SINHCAF: variants seen among roughly 807,000 people sequenced by gnomAD.
SINHCAF encodes SIN3-HDAC complex associated factor.
SINHCAF carries 3 observed loss-of-function variants against 25.8 expected under a neutral mutation model. The ratio of observed to expected loss-of-function variants is 0.12; its 90% confidence interval spans 0.05 to 0.30. The LOEUF is 0.30. Among genes scored for constraint, SINHCAF ranks in the 10% least tolerant of loss-of-function variants. The pLI, the probability that SINHCAF is intolerant of heterozygous loss-of-function variation, is 1.00. For missense variants in SINHCAF, 121 were observed against 262.3 expected (o/e 0.46, Z 3.72); for synonymous variants, 70 against 85.5 (o/e 0.82, Z 1.00).
chr12:31,299,519 T>C (rs1938697024), intron 1 of SINHCAF, among the ~76,000 whole-genome samples: 2 of 152,064 alleles, frequency 1.3e-5, no homozygotes, highest in Admixed American at 1.3e-4. Flanking sequence ...GGTTTCAGCA[T>C]GTTAGCCAGG....
chr12:31,324,991 C>A lies in SINHCAF; in HGVS notation c.-21+1033G>T. On this transcript the variant is annotated intron_variant, in intron 1 of 5. Coordinates refer to ENST00000337682, the MANE Select transcript of SINHCAF (RefSeq NM_001135812.2). The surrounding 1 kb of genome is among the most constrained non-coding windows in gnomAD (Gnocchi z 5.5). ...GACGGCGGCCGCATCCCACGGCTCA[C>A]GCGGGGCTGGACATTCGGACAAGGA... 2.2e-6 allele frequency: 1 copy of A among 456,790 alleles called. No homozygotes were observed. Among genetic ancestry groups the A allele is most frequent in the South Asian group, 1.5e-5 (1 of 64,564 alleles). The allele number at this position is 456,790 out of a possible 1,614,324, so 28.3% of individuals were successfully genotyped here.
At chr12:31,292,769 C>T (rs1003724138) in intron 4 of SINHCAF, among the ~76,000 whole-genome samples, 11 of 152,142 alleles carry the variant, frequency 7.2e-5, no homozygotes, top group Non-Finnish European at 1.3e-4. Flanking sequence ...TACCAAAATG[C>T]TCAAAAAATG....
intron 1 of SINHCAF, among the ~76,000 whole-genome samples, chr12:31,308,437 A>C (rs1157852681): frequency 6.6e-6 from 1 of 152,226 alleles, no homozygotes; most frequent in East Asian, 1.9e-4. Flanking sequence ...AAAAAAGCTA[A>C]GATTCCTTTG....
At chr12:31,283,689 GA>G (rs1937907550) in intron 5 of SINHCAF, among the ~76,000 whole-genome samples, 1 of 151,920 alleles carries the variant, frequency 6.6e-6, no homozygotes, top group Non-Finnish European at 1.5e-5. Context: ...TACTCTAAGG[GA>G]AAAAAGATCA....
At chr12:31,312,775 T>C (rs751852568) in intron 1 of SINHCAF, among the ~76,000 whole-genome samples, 8 of 152,260 alleles carry the variant, frequency 5.3e-5, no homozygotes, top group Non-Finnish European at 1.2e-4. Context: ...GTAGTACAAA[T>C]TATCAGCATT....
chr12:31,286,926 T>C (rs999844451), intron 5 of SINHCAF, among the ~76,000 whole-genome samples: 1 of 152,128 alleles, frequency 6.6e-6, no homozygotes, highest in Non-Finnish European at 1.5e-5. Context: ...TGTTTGTTTG[T>C]TTGTTTTTTT....
Position 31,298,229 on chromosome 12 carries a change from A to G in SINHCAF, c.-20-5T>C, listed in dbSNP as rs1938625764. On this transcript the variant is annotated splice_polypyrimidine_tract_variant and splice_region_variant and intron_variant, in intron 1 of 5. Transcript: ENST00000337682. The stretch of plus-strand genomic sequence containing the variant: ...TCTTTTCTTCTGGGCAATAGTCTGT[A>G]AAGCCAAGGGAATTGACATATCTTT... 5.6e-6 allele frequency: 9 copies of G among 1,613,574 alleles called. No individual in the cohort carries two copies. Among genetic ancestry groups the G allele is most frequent in the Non-Finnish European group, 6.8e-6 (8 of 1,179,900 alleles).
At position 31,282,823 on chromosome 12, in the gene SINHCAF, G is replaced by T; in HGVS notation, c.555C>A (p.Val185=). Residue 185 remains valine (V), a synonymous_variant, in exon 6 of 6, where the codon GTC becomes GTA. Transcript: ENST00000337682. ...GIIYKGRFGE[V]LIDTHLFKPC... ...GCTTGAAGAGATGTGTGTCAATGAG[G>T]ACTTCCCCAAAACGGCCTTTATAGA... The T allele has an allele frequency of 1.2e-6, 2 of 1,612,096 alleles. No individual in the cohort carries two copies. Among genetic ancestry groups the T allele is most frequent in the Non-Finnish European group, 1.7e-6 (2 of 1,179,408 alleles).
At chr12:31,309,823 G>A (rs116804930) in intron 1 of SINHCAF, among the ~76,000 whole-genome samples, 102 of 152,010 alleles carry the variant, frequency 6.7e-4, no homozygotes, top group African/African-American at 2.3e-3. Flanking sequence ...GCACCACCAC[G>A]CTCGGCTAAT....
intron 1 of SINHCAF, chr12:31,311,584 G>A (rs1354133678): frequency 3.3e-6 from 1 of 306,270 alleles, no homozygotes; most frequent in African/African-American, 2.2e-5. Flanking sequence ...GCCAGTGAGT[G>A]GGTCCCGCAG....
At chr12:31,285,620 T>C (rs1476209016) in intron 5 of SINHCAF, among the ~76,000 whole-genome samples, 1 of 152,140 alleles carries the variant, frequency 6.6e-6, no homozygotes, top group Non-Finnish European at 1.5e-5. Flanking sequence ...CTATGTAACC[T>C]TAAACAAAGT....
chr12:31,284,354 T>C (rs1292628658), intron 5 of SINHCAF, among the ~76,000 whole-genome samples: 1 of 152,226 alleles, frequency 6.6e-6, no homozygotes, highest in South Asian at 2.1e-4. Context: ...TCTAAGTGTG[T>C]CCATTTTTCT....
chr12:31,289,085 G>C (rs1938198192), intron 4 of SINHCAF, among the ~76,000 whole-genome samples: 1 of 152,126 alleles, frequency 6.6e-6, no homozygotes, highest in African/African-American at 2.4e-5. Flanking sequence ...AACAAACAGT[G>C]AACTGGAAGA....
intron 1 of SINHCAF, among the ~76,000 whole-genome samples, chr12:31,312,488 C>T (rs1419773969): frequency 6.6e-6 from 1 of 152,170 alleles, no homozygotes; most frequent in African/African-American, 2.4e-5. Context: ...AACACTCATA[C>T]CATCATTGTA....
intron 5 of SINHCAF, among the ~76,000 whole-genome samples, chr12:31,283,141 C>G (rs1271723672): frequency 6.6e-6 from 1 of 151,938 alleles, no homozygotes; most frequent in Non-Finnish European, 1.5e-5. Flanking sequence ...AAGGCTGCCC[C>G]TGATGTTGTT....
intron 1 of SINHCAF, among the ~76,000 whole-genome samples, chr12:31,300,430 CTGT>C (rs1938741008): frequency 6.6e-6 from 1 of 152,018 alleles, no homozygotes. Flanking sequence ...CCTCTAAGAA[CTGT>C]TTTAAAAAAA....
At chr12:31,308,360 T>C (rs1939120476) in intron 1 of SINHCAF, among the ~76,000 whole-genome samples, 1 of 152,170 alleles carries the variant, frequency 6.6e-6, no homozygotes, top group Non-Finnish European at 1.5e-5. Flanking sequence ...AAAAATTTAG[T>C]ATCCAGCTTC....
chr12:31,290,140 TTTTG>T (rs138412589), intron 4 of SINHCAF, among the ~76,000 whole-genome samples: 6,444 of 151,552 alleles, frequency 0.043, 173 homozygotes, highest in African/African-American at 0.072. Flanking sequence ...ATGTTTTTGT[TTTTG>T]TTTGTTTGTT....
chr12:31,296,468 T>C (rs1938554461), intron 2 of SINHCAF, among the ~76,000 whole-genome samples: 1 of 152,074 alleles, frequency 6.6e-6, no homozygotes, highest in Non-Finnish European at 1.5e-5. Flanking sequence ...ACCCGGCCTG[T>C]GTAGATATTT....
Sources: gnomAD v4.1 joint callset for allele counts (sites outside exome capture counted in the v4.1 genomes callset) on GRCh38, gnomAD v4.1.1 for gene constraint, Gnocchi (gnomAD v3.1) non-coding constraint, MANE v1.5 for transcripts, NCBI Gene and HGNC (gene_info 2026-07-23, HGNC 2026-07-21) for gene names.